The following CALN1 variants were observed in gnomAD, a reference collection of about 807,000 sequenced individuals.
The protein encoded by CALN1 is calneuron 1, also known as calcium-binding protein 8.
In CALN1, 17 loss-of-function variants were observed where a neutral mutation model predicts 30.6. The ratio of observed to expected loss-of-function variants is 0.56; its 90% CI spans 0.38 to 0.83. The LOEUF (loss-of-function observed/expected upper bound fraction) is 0.83, where lower values mean the gene tolerates loss of function less well. Among genes scored for constraint, CALN1 ranks in the 40% least tolerant of loss-of-function variants. The pLI is 0.00. For synonymous variants in CALN1, 156 were observed against 131.4 expected (o/e 1.19, Z -1.28); for missense variants, 291 against 354.9 (o/e 0.82, Z 1.45).
chr7:72,369,297 AT>A (rs1288602535), intron 2 of CALN1, among the ~76,000 whole-genome samples: 1 of 147,184 alleles, frequency 6.8e-6, no homozygotes. Flanking sequence ...AAATATATAT[AT>A]TTATATATTT....
chr7:71,909,809 C>A (rs1274690811), intron 5 of CALN1, among the ~76,000 whole-genome samples: 1 of 152,178 alleles, frequency 6.6e-6, no homozygotes, highest in South Asian at 2.1e-4. Flanking sequence ...GTTCTAACTA[C>A]CCTGAAGTCT....
At chr7:72,229,608 A>AG (rs1368210527) in intron 3 of CALN1, among the ~76,000 whole-genome samples, 1 of 152,094 alleles carries the variant, frequency 6.6e-6, no homozygotes, top group Non-Finnish European at 1.5e-5. Flanking sequence ...AGCCATAAAG[A>AG]AGAATGAGTT....
intron 3 of CALN1, among the ~76,000 whole-genome samples, chr7:72,257,134 A>C (rs917267450): frequency 1.3e-5 from 2 of 152,330 alleles, no homozygotes; most frequent in South Asian, 2.1e-4. Flanking sequence ...CAAGAGAGAG[A>C]GCGTGCACAG....
chr7:72,403,183 C>T, intron 2 of CALN1, 68 bp downstream of exon 2: 2 of 1,283,722 alleles, frequency 1.6e-6, no homozygotes, highest in South Asian at 1.4e-5. Context: ...CTCCTGGACC[C>T]CGCGCCACCC....
chr7:72,501,836 G>C, the CALN1 span, among the ~76,000 whole-genome samples: 1 of 146,112 alleles, frequency 6.8e-6, no homozygotes, highest in Non-Finnish European at 1.5e-5. Context: ...TTGAAACCAG[G>C]AGGTGGAAGT....
intron 3 of CALN1, among the ~76,000 whole-genome samples, chr7:72,268,047 G>A (rs1796711041): frequency 6.6e-6 from 1 of 152,140 alleles, no homozygotes; most frequent in African/African-American, 2.4e-5. Context: ...AATAGTATAT[G>A]CATAATAGGA....
chr7:71,962,247 T>A (rs569818763), intron 5 of CALN1, among the ~76,000 whole-genome samples: 2 of 149,046 alleles, frequency 1.3e-5, no homozygotes, highest in East Asian at 3.9e-4. Context: ...AAAAAAAGTT[T>A]AAAAAATCAG....
chr7:71,855,399 T>C (rs1790887685), intron 5 of CALN1, among the ~76,000 whole-genome samples: 1 of 152,122 alleles, frequency 6.6e-6, no homozygotes, highest in Non-Finnish European at 1.5e-5. Flanking sequence ...GGCACCCAAA[T>C]TTCCTTTCTA....
intron 4 of CALN1, among the ~76,000 whole-genome samples, chr7:72,046,240 CCTT>C (rs1345560185): frequency 6.6e-6 from 1 of 151,880 alleles, no homozygotes; most frequent in Admixed American, 6.6e-5. Flanking sequence ...GCTCCAGTTT[CCTT>C]CTTTTTTTGG....
intron 6 of CALN1, among the ~76,000 whole-genome samples, chr7:71,805,885 C>T (rs548787655): frequency 1.3e-5 from 2 of 152,134 alleles, no homozygotes; most frequent in African/African-American, 2.4e-5. Flanking sequence ...TGTACATATA[C>T]ACAATGGCAT....
rs1315190148 is a variant in CALN1 at position 72,412,337 on chromosome 7, T to G, written c.-353A>C. ...CAAGCGGATAGCACCCCAGCGAGCT[T>G]CCCCAGCGGGCTCGGGGAGCCAGCT... On this transcript the variant is annotated 5_prime_UTR_variant, in exon 1 of 7. Transcript: ENST00000395275. 6.6e-6 allele frequency: 1 copy of G among 151,826 alleles called. No individual in the cohort carries two copies. The highest frequency in any genetic ancestry group is 2.4e-5 in the African/African-American group (1 of 41,200). 9.4% of individuals were successfully genotyped at this position (151,826 alleles called of 1,614,324 possible).
At chr7:72,468,833 G>A in the CALN1 span, among the ~76,000 whole-genome samples, 1 of 152,098 alleles carries the variant, frequency 6.6e-6, no homozygotes, top group Admixed American at 6.6e-5. Flanking sequence ...CTGTTCATGT[G>A]CTTGTTGATA....
rs1156675602 is a variant in CALN1, at chr7:71,788,494, T to TTG, written c.659-593_659-592insCA. Among the ~76,000 whole-genome samples, 138 of 146,472 alleles carry TTG rather than the reference T, an allele frequency of 9.4e-4. 2 individuals carry two copies. Among genetic ancestry groups the TTG allele is most frequent in the African/African-American group, 3.4e-3 (129 of 38,242 alleles). On this transcript the variant is annotated intron_variant, in intron 6 of 6. Coordinates refer to ENST00000395275, the MANE Select transcript of CALN1 (RefSeq NM_031468.4). ...TACTAAGAGGTTTTTTTTTGTTGTT[T>TTG]TTTTTTTTTTTTTTAGAGAAAGTGT...
upstream of CALN1, among the ~76,000 whole-genome samples, chr7:72,413,499 C>T (rs764365648): frequency 2.6e-5 from 4 of 151,862 alleles, no homozygotes; most frequent in Non-Finnish European, 4.4e-5. Context: ...CATAAGGACA[C>T]AAACTCACAC....
At chr7:72,195,885 G>A (rs914764358) in intron 3 of CALN1, among the ~76,000 whole-genome samples, 1 of 152,102 alleles carries the variant, frequency 6.6e-6, no homozygotes, top group Admixed American at 6.5e-5. Context: ...TCTATCCAAT[G>A]GAATATGATT....
intron 5 of CALN1, among the ~76,000 whole-genome samples, chr7:71,936,134 A>G (rs1000026727): frequency 1.3e-5 from 2 of 152,174 alleles, no homozygotes; most frequent in Non-Finnish European, 2.9e-5. Flanking sequence ...TCCAGAAACC[A>G]CAAGTTTGAT....
chr7:72,336,278 C>T (rs1395740624), intron 2 of CALN1, among the ~76,000 whole-genome samples: 3 of 152,118 alleles, frequency 2.0e-5, no homozygotes, highest in Non-Finnish European at 4.4e-5. Context: ...ACCTGGGCTG[C>T]GGTGCGGCTC....
intron 4 of CALN1, among the ~76,000 whole-genome samples, chr7:72,087,073 C>T (rs1405638030): frequency 6.6e-6 from 1 of 152,156 alleles, no homozygotes; most frequent in African/African-American, 2.4e-5. Context: ...ATGTCCATCT[C>T]AGACAACAAT....
At chr7:71,899,307 C>T (rs150856658) in intron 5 of CALN1, among the ~76,000 whole-genome samples, 5 of 152,026 alleles carry the variant, frequency 3.3e-5, no homozygotes, top group African/African-American at 7.3e-5. Context: ...CCGTGCCTGG[C>T]GAATTTTGTA....
Sources: allele counts gnomAD v4.1 joint callset (sites outside exome capture counted in the v4.1 genomes callset), GRCh38; gene constraint gnomAD v4.1.1; transcripts MANE v1.5; gene names NCBI Gene and HGNC (gene_info 2026-07-23, HGNC 2026-07-21).